CDC6: variants seen among roughly 807,000 people sequenced by gnomAD.
The protein encoded by CDC6 is DNA replication factor CDC6.
Under a neutral mutation model 60.2 loss-of-function variants are expected in CDC6, and 46 were observed. The observed-to-expected ratio is 0.76, with a 90% CI of 0.60 to 0.98. CDC6 has a LOEUF of 0.98. CDC6 is among the 50% of genes least tolerant of loss of function. CDC6 has a pLI of 0.00. For synonymous variants in CDC6, 210 were observed against 233.2 expected (o/e 0.90, Z 0.90); for missense variants, 596 against 652.9 (o/e 0.91, Z 0.95).
At position 40,289,498 on chromosome 17, in the gene CDC6, T is replaced by G. The variant is rs566819304; in HGVS notation, c.78T>G (p.Ala26=). 1.9e-6 allele frequency: 3 copies of G among 1,613,920 alleles called. No individual in the cohort carries two copies. In the South Asian group the frequency reaches 3.3e-5, roughly 18 times the overall value. Residue 26 remains alanine (A), a synonymous_variant, in exon 2 of 12, where the codon GCT becomes GCG. Transcript: ENST00000209728. ...AGCTGTCTCGGGCATTGAACAAAGC[T>G]AAAAACTCCAGTGATGCCAAACTAG... is the stretch of plus-strand genomic sequence containing the variant. ...KRKLSRALNK[A]KNSSDAKLEP...
chr17:40,301,646 C>T (rs767906327), intron 11 of CDC6, 38 bp downstream of exon 11: 58 of 1,602,574 alleles, frequency 3.6e-5, no homozygotes, highest in Non-Finnish European at 4.8e-5. Context: ...TTTAATTGTC[C>T]TATTTTGTAG....
rs1331273467 is a variant in CDC6 at position 40,302,048 on chromosome 17, G to GAGCT, written c.*49_*52dup. On this transcript the variant is annotated 3_prime_UTR_variant, in exon 12 of 12. Coordinates refer to ENST00000209728, the MANE Select transcript of CDC6 (RefSeq NM_001254.4). ...CGAAAGTATTCAGCTGGCATTTAGAGAGCTACAGTCTTCATTTTAGTGCTT... is the reference window on the plus strand; with the variant it reads ...CGAAAGTATTCAGCTGGCATTTAGAGAGCTAGCTACAGTCTTCATTTTAGTGCTT... 1 of 1,081,548 alleles carries GAGCT rather than the reference G, an allele frequency of 9.2e-7. No homozygotes were observed. Among genetic ancestry groups the GAGCT allele is most frequent in the Non-Finnish European group, 1.4e-6 (1 of 693,434 alleles). The allele number at this position is 1,081,548 out of a possible 1,614,324, so 67.0% of individuals were successfully genotyped here.
chr17:40,299,373 C>T (rs1326483697), intron 9 of CDC6, among the ~76,000 whole-genome samples: 1 of 151,698 alleles, frequency 6.6e-6, no homozygotes, highest in Non-Finnish European at 1.5e-5. Flanking sequence ...ACAGGCTGGT[C>T]ATGAATTCCT....
chr17:40,290,495 C>A (rs185008712), intron 2 of CDC6, among the ~76,000 whole-genome samples: 4 of 152,048 alleles, frequency 2.6e-5, no homozygotes, highest in Admixed American at 1.3e-4. Context: ...GTTGAGAAAA[C>A]CTGTTTCAAA....
chr17:40,296,200 T>C (rs1479894920), intron 8 of CDC6, among the ~76,000 whole-genome samples: 2 of 152,162 alleles, frequency 1.3e-5, no homozygotes, highest in African/African-American at 2.4e-5. Flanking sequence ...CTATGAGCAA[T>C]AGTCATGTAG....
chr17:40,292,369 A>T (rs1462724855), intron 4 of CDC6, among the ~76,000 whole-genome samples: 1 of 150,504 alleles, frequency 6.6e-6, no homozygotes, highest in East Asian at 2.0e-4. Context: ...GGTGGCTCAC[A>T]CCTGTAATCC....
At position 40,288,893 on chromosome 17, in the gene CDC6, G is replaced by T. The variant is rs1019293162; in HGVS notation, c.-13-515G>T. 2.6e-5 allele frequency among the ~76,000 whole-genome samples: 4 copies of T among 151,728 alleles called. No homozygotes were observed. The East Asian group carries it at 7.8e-4, about 29-fold the overall frequency. Reference sequence around the variant, plus strand: ...TTTTTGTATTTTTAGTAGAGACGGGGTTTCTCCATGTTGGTCAGGCTGGTC... The same window carrying T: ...TTTTTGTATTTTTAGTAGAGACGGGTTTTCTCCATGTTGGTCAGGCTGGTC... On this transcript the variant is annotated intron_variant, in intron 1 of 11. Coordinates refer to ENST00000209728, the MANE Select transcript of CDC6 (RefSeq NM_001254.4).
intron 4 of CDC6, among the ~76,000 whole-genome samples, chr17:40,292,278 T>C (rs943355726): frequency 6.6e-6 from 1 of 150,926 alleles, no homozygotes; most frequent in African/African-American, 2.4e-5. Flanking sequence ...ATCTGCCTGC[T>C]TCAGCCTCCC....
At chr17:40,293,714 C>A in intron 5 of CDC6, 83 bp downstream of exon 5, 2 of 1,149,484 alleles carry the variant, frequency 1.7e-6, no homozygotes, top group Non-Finnish European at 2.6e-6. Context: ...TATATTTTCT[C>A]TCTGAAGGAT....
intron 1 of CDC6, among the ~76,000 whole-genome samples, chr17:40,288,896 TC>T (rs1319977482): frequency 6.6e-6 from 1 of 151,882 alleles, no homozygotes; most frequent in Non-Finnish European, 1.5e-5. Flanking sequence ...AGACGGGGTT[TC>T]TCCATGTTGG....
chr17:40,300,127 T>A (rs1172735449), intron 9 of CDC6, among the ~76,000 whole-genome samples: 2 of 152,066 alleles, frequency 1.3e-5, no homozygotes, highest in Non-Finnish European at 2.9e-5. Flanking sequence ...CACATCCAGC[T>A]AATTTTTTGT....
chr17:40,301,675 G>C lies in CDC6; in HGVS notation c.1593+67G>C, dbSNP rs2032942698. On this transcript the variant is annotated intron_variant, in intron 11 of 11. Coordinates refer to ENST00000209728, the MANE Select transcript of CDC6 (RefSeq NM_001254.4). Reference sequence around the variant, plus strand: ...TTTGTAGAGTGATGCTAAAGTAAAGGTTTATTGTTAAACAAGATGACCACA... The same window carrying C: ...TTTGTAGAGTGATGCTAAAGTAAAGCTTTATTGTTAAACAAGATGACCACA... The C allele has an allele frequency of 3.3e-6, 5 of 1,536,588 alleles. No homozygotes were observed. The East Asian group carries it at 1.1e-4, about 35-fold the overall frequency.
At chr17:40,295,622 C>T (rs1405738731) in intron 8 of CDC6, 166 bp downstream of exon 8, 1 of 628,982 alleles carries the variant, frequency 1.6e-6, no homozygotes, top group Non-Finnish European at 2.8e-6. Context: ...TGGATTTCCA[C>T]CGTGTTAATG....
intron 8 of CDC6, 30 bp from the exon 9 acceptor site, chr17:40,296,673 C>G: frequency 7.3e-7 from 1 of 1,374,872 alleles, no homozygotes; most frequent in Non-Finnish European, 1.0e-6. Context: ...TTGGCTCAGA[C>G]TAAATTAATT....
chr17:40,299,262 C>T (rs1363179686), intron 9 of CDC6, among the ~76,000 whole-genome samples: 1 of 151,160 alleles, frequency 6.6e-6, no homozygotes, highest in Non-Finnish European at 1.5e-5. Context: ...ATCCTCCCAC[C>T]CCAGCCTCCT....
chr17:40,298,038 C>T (rs766282990), intron 9 of CDC6, among the ~76,000 whole-genome samples: 2 of 152,228 alleles, frequency 1.3e-5, no homozygotes, highest in South Asian at 2.1e-4. Flanking sequence ...TTCACTCCTA[C>T]ACTGGCTGGG....
At chr17:40,290,045 GT>G (rs2032729849) in intron 2 of CDC6, among the ~76,000 whole-genome samples, 1 of 151,974 alleles carries the variant, frequency 6.6e-6, no homozygotes, top group African/African-American at 2.4e-5. Context: ...CTTCATTTTA[GT>G]TATTTTCAGA....
In CDC6 at chr17:40,291,657, C is replaced by T; in HGVS notation, c.649C>T (p.Gln217Ter). ...GKTACLSRIL[Q>*]DLKKELKGFK... ...AACTGCCTGCTTAAGCCGGATTCTG[C>T]AAGACCTCAAGGTACATTGAGAGTC... Residue 217 changes from glutamine (Q) to a stop codon, truncating the protein, a stop_gained, in exon 4 of 12, where the codon CAA (glutamine) becomes TAA (stop). Coordinates refer to ENST00000209728, the MANE Select transcript of CDC6 (RefSeq NM_001254.4). LOFTEE classifies it high-confidence loss of function. The T allele has an allele frequency of 1.2e-6, 2 of 1,613,920 alleles. No individual in the cohort carries two copies. The highest frequency in any genetic ancestry group is 2.2e-5 in the East Asian group (1 of 44,880).
At chr17:40,290,568 C>T (rs1398610727) in intron 2 of CDC6, among the ~76,000 whole-genome samples, 2 of 152,200 alleles carry the variant, frequency 1.3e-5, no homozygotes, top group Non-Finnish European at 2.9e-5. Flanking sequence ...GTAGTCCCCA[C>T]TTATCCATGG....
Sources: gnomAD v4.1 joint callset for allele counts (sites outside exome capture counted in the v4.1 genomes callset) on GRCh38, gnomAD v4.1.1 for gene constraint, MANE v1.5 for transcripts, NCBI Gene and HGNC (gene_info 2026-07-23, HGNC 2026-07-21) for gene names.